The following SLC4A10 variants were observed in gnomAD, a reference collection of about 807,000 sequenced individuals.
SLC4A10 encodes sodium-driven chloride bicarbonate exchanger.
SLC4A10 carries 42 observed loss-of-function variants against 137.7 expected under a neutral mutation model. That is an observed-to-expected ratio of 0.30 (90% CI 0.24 to 0.39). SLC4A10 has a LOEUF of 0.39. SLC4A10 is among the 10% of genes least tolerant of loss of function. SLC4A10 has a pLI of 1.00. For missense variants in SLC4A10, 925 were observed against 1,355.0 expected, an observed-to-expected ratio of 0.68 and a Z score of 4.98; for synonymous variants, 474 against 464.1, an observed-to-expected ratio of 1.02 and a Z score of -0.27.
chr2:161,861,837 C>G (rs1232687736), intron 5 of SLC4A10, among the ~76,000 whole-genome samples: 1 of 152,102 alleles, frequency 6.6e-6, no homozygotes, highest in East Asian at 1.9e-4. Context: ...GCTAGAATGT[C>G]ATAAAGTGGC....
At chr2:161,862,840 C>A in intron 5 of SLC4A10, 34 bp from the exon 6 acceptor site, 3 of 1,496,032 alleles carry the variant, frequency 2.0e-6, no homozygotes, top group South Asian at 1.4e-5. Context: ...TAGAGGAAAG[C>A]TGTGCTTATC....
chr2:161,977,595 T>G, intron 25 of SLC4A10, 127 bp from the exon 26 acceptor site: 2 of 717,936 alleles, frequency 2.8e-6, no homozygotes, highest in Non-Finnish European at 4.5e-6. Context: ...TATGCTAATA[T>G]CTCTTTTTGT....
In SLC4A10 at chr2:161,771,063, A is replaced by G. The variant is rs1559212664; in HGVS notation, c.130+9A>G. ...GAAAGAAGATTTAGAAGGTAAGACCATTTTTCTTGGGATAGCTATTGGTGT... is the reference window on the plus strand; with the variant it reads ...GAAAGAAGATTTAGAAGGTAAGACCGTTTTTCTTGGGATAGCTATTGGTGT... On this transcript the variant is annotated intron_variant, in intron 2 of 26. Transcript: ENST00000446997. 7 of 1,579,176 alleles carry G rather than the reference A, an allele frequency of 4.4e-6. No individual in the cohort carries two copies. The highest frequency in any genetic ancestry group is 6.1e-6 in the Non-Finnish European group (7 of 1,156,430).
At chr2:161,932,091 T>C (rs189832346) in intron 15 of SLC4A10, among the ~76,000 whole-genome samples, 4 of 152,352 alleles carry the variant, frequency 2.6e-5, no homozygotes, top group Admixed American at 2.6e-4. Context: ...CAAACTCTTA[T>C]GGTGTTGGGC....
chr2:161,690,256 T>G (rs1323971343), intron 1 of SLC4A10, among the ~76,000 whole-genome samples: 1 of 152,124 alleles, frequency 6.6e-6, no homozygotes, highest in Non-Finnish European at 1.5e-5. Context: ...TACCATCTCA[T>G]GCCAGTCAGA....
intron 3 of SLC4A10, among the ~76,000 whole-genome samples, chr2:161,837,209 G>A (rs538645500): frequency 2.0e-4 from 30 of 152,230 alleles, no homozygotes; most frequent in African/African-American, 2.6e-4. Context: ...GGAAAATTCC[G>A]TGGAACCTAC....
intron 10 of SLC4A10, among the ~76,000 whole-genome samples, chr2:161,885,845 G>A (rs892240451): frequency 5.3e-5 from 8 of 152,170 alleles, no homozygotes; most frequent in Non-Finnish European, 4.4e-5. Flanking sequence ...GCTCACACCT[G>A]TAATCCCAGA....
intron 1 of SLC4A10, among the ~76,000 whole-genome samples, chr2:161,674,820 A>G (rs1466106407): frequency 6.6e-6 from 1 of 152,204 alleles, no homozygotes; most frequent in African/African-American, 2.4e-5. Context: ...GACAGAAATG[A>G]CTTCTGCTAT....
At chr2:161,731,365 G>A (rs1455716797) in intron 1 of SLC4A10, among the ~76,000 whole-genome samples, 1 of 152,020 alleles carries the variant, frequency 6.6e-6, no homozygotes, top group East Asian at 1.9e-4. Flanking sequence ...AAAATTTATA[G>A]CTTAACATCT....
At chr2:161,756,557 A>C (rs899707851) in intron 1 of SLC4A10, among the ~76,000 whole-genome samples, 1 of 152,178 alleles carries the variant, frequency 6.6e-6, no homozygotes, top group Non-Finnish European at 1.5e-5. Context: ...GTCACTCAGA[A>C]ATCCAGGGTT....
Position 161,882,128 on chromosome 2 carries a change from T to TAA in SLC4A10, c.1107-218_1107-217dup, listed in dbSNP as rs34384577. Among the ~76,000 whole-genome samples, 296 of 136,782 alleles carry TAA rather than the reference T, an allele frequency of 2.2e-3. 1 individual carries two copies. The highest frequency in any genetic ancestry group is 7.1e-3 in the African/African-American group (273 of 38,470). The allele number at this position is 136,782 out of a possible 152,430, so 89.7% of individuals were successfully genotyped here. A position where few individuals can be genotyped will look rare whatever the true frequency, so the allele number is the denominator to read the frequency against. ...ATAACTAAACGGAGAAACACTGTGA[T>TAA]AAAAAAAAAAAACACGGAAAACCAT... On this transcript the variant is annotated intron_variant, in intron 9 of 26. Coordinates refer to ENST00000446997, the MANE Select transcript of SLC4A10 (RefSeq NM_001178015.2).
At chr2:161,679,459 G>A (rs2040608095) in intron 1 of SLC4A10, among the ~76,000 whole-genome samples, 1 of 151,980 alleles carries the variant, frequency 6.6e-6, no homozygotes, top group South Asian at 2.1e-4. Context: ...TGTTTAGGGA[G>A]GTAAAAACTG....
intron 3 of SLC4A10, among the ~76,000 whole-genome samples, chr2:161,829,030 G>T (rs1415890777): frequency 6.6e-6 from 1 of 150,872 alleles, no homozygotes; most frequent in Non-Finnish European, 1.5e-5. Flanking sequence ...AGTAATCCTG[G>T]ATCTTTTTCT....
At chr2:161,816,630 TC>T (rs1404224070) in intron 3 of SLC4A10, among the ~76,000 whole-genome samples, 3 of 89,054 alleles carry the variant, frequency 3.4e-5, no homozygotes, top group East Asian at 3.9e-4. Context: ...CCTTCCCCCC[TC>T]CCCCCACCCC....
chr2:161,904,998 T>C (rs1234973603), intron 14 of SLC4A10, 89 bp downstream of exon 14: 6 of 1,347,804 alleles, frequency 4.5e-6, no homozygotes, highest in Non-Finnish European at 6.1e-6. Context: ...TGGAGGTCTG[T>C]TGATAGAGAC....
Position 161,900,965 on chromosome 2 carries a change from G to A in SLC4A10, c.1396G>A (p.Glu466Lys). Residue 466 changes from glutamate to lysine, a missense_variant, in exon 12 of 27, where the codon GAG becomes AAG. By Grantham distance (56) the Glu-to-Lys change is moderately conservative. This residue lies in a region of SLC4A10 where 61 missense variants were observed against 59.0 expected (regional missense o/e 1.03). Coordinates refer to ENST00000446997, the MANE Select transcript of SLC4A10 (RefSeq NM_001178015.2). Reference sequence around the variant, plus strand: ...TGGAACAGCAGCTCATGGGGAAGCAGAGCCCCACGGAGGACATAGTGGACC... The same window carrying A: ...TGGAACAGCAGCTCATGGGGAAGCAAAGCCCCACGGAGGACATAGTGGACC... ...PNGTAAHGEA[E>K]PHGGHSGPEL... The A allele has an allele frequency of 6.4e-7, 1 of 1,569,020 alleles. No homozygotes were observed.
chr2:161,941,663 G>A (rs1386219194), intron 15 of SLC4A10, among the ~76,000 whole-genome samples: 5 of 152,172 alleles, frequency 3.3e-5, no homozygotes, highest in Non-Finnish European at 7.3e-5. Context: ...CAGTTGCTGT[G>A]TCGAAACTAC....
At chr2:161,890,441 TC>T (rs572597789) in intron 10 of SLC4A10, among the ~76,000 whole-genome samples, 327 of 152,290 alleles carry the variant, frequency 2.1e-3, no homozygotes, top group African/African-American at 7.6e-3. Flanking sequence ...TTTGTAGTTC[TC>T]TAAGAACTTG....
At chr2:161,800,359 A>C (rs2055245539) in intron 2 of SLC4A10, among the ~76,000 whole-genome samples, 1 of 152,032 alleles carries the variant, frequency 6.6e-6, no homozygotes, top group Non-Finnish European at 1.5e-5. Flanking sequence ...CTTGAAAACC[A>C]TCCTCTCTAT....
Sources: allele counts gnomAD v4.1 joint callset (sites outside exome capture counted in the v4.1 genomes callset), GRCh38; gene constraint gnomAD v4.1.1; regional missense constraint gnomAD v4.1.1; transcripts MANE v1.5; gene names NCBI Gene and HGNC (gene_info 2026-07-23, HGNC 2026-07-21).